Variants in NCAPG observed in about 807,000 individuals in gnomAD.
NCAPG encodes non-SMC condensin I complex subunit G.
In NCAPG, 69 loss-of-function variants were observed where a neutral mutation model predicts 113.1. That is an observed-to-expected ratio of 0.61 (90% confidence interval 0.50 to 0.75). The LOEUF (loss-of-function observed/expected upper bound fraction) is 0.75. Ranked by LOEUF, NCAPG falls within the 30% of genes least tolerant of loss-of-function variation. NCAPG has a pLI of 0.00. For missense variants in NCAPG, 1,058 were observed against 1,177.0 expected (o/e 0.90, Z 1.48); for synonymous variants, 370 against 415.8 (o/e 0.89, Z 1.34).
In NCAPG at chr4:17,844,398, C is replaced by A. The variant is rs1229137052; in HGVS notation, c.*973C>A. 1 of 152,268 alleles carries A rather than the reference C, an allele frequency of 6.6e-6. No individual in the cohort carries two copies. The highest frequency in any genetic ancestry group is 1.5e-5 in the Non-Finnish European group (1 of 67,826). The allele number at this position is 152,268 out of a possible 1,614,324, so 9.4% of individuals were successfully genotyped here. On this transcript the variant is annotated 3_prime_UTR_variant, in exon 21 of 21. Coordinates refer to ENST00000251496, the MANE Select transcript of NCAPG (RefSeq NM_022346.5). ...TTTTAATAATTGTGCTTTTTTTAGG[C>A]TTATCATCTACTAGAGGCCATTTAC...
chr4:17,836,218 G>A (rs1467687901), intron 14 of NCAPG, among the ~76,000 whole-genome samples: 1 of 152,130 alleles, frequency 6.6e-6, no homozygotes, highest in Non-Finnish European at 1.5e-5. Flanking sequence ...GACTAGTGAT[G>A]TTGAGTATCT....
rs1721999775 is a variant in NCAPG, at chr4:17,834,429, T to G, written c.2015T>G (p.Ile672Arg). The G allele has an allele frequency of 6.2e-7, 1 of 1,611,814 alleles. No individual in the cohort carries two copies. The highest frequency in any genetic ancestry group is 1.3e-5 in the African/African-American group (1 of 74,822). The change falls in exon 14 of 21, where the codon ATA (isoleucine) becomes AGA (arginine). Residue 672 changes from isoleucine to arginine, a missense_variant. By Grantham distance (97) the Ile-to-Arg change is moderately conservative. Transcript: ENST00000251496. ...ACACTTCATTGTGAAGGTACAGAAATAAACAGTGATGATGAGCAAGAATCA... is the reference window on the plus strand; with the variant it reads ...ACACTTCATTGTGAAGGTACAGAAAGAAACAGTGATGATGAGCAAGAATCA... ...IKTLHCEGTE[I>R]NSDDEQESKE...
Position 17,815,289 on chromosome 4 carries a change from G to A in NCAPG, c.706G>A (p.Val236Ile), listed in dbSNP as rs1721156177. 1.9e-6 allele frequency: 3 copies of A among 1,599,544 alleles called. No individual in the cohort carries two copies. The highest frequency in any genetic ancestry group is 1.7e-6 in the Non-Finnish European group (2 of 1,176,504). The change falls in exon 5 of 21, where the codon GTT becomes ATT. Residue 236 changes from valine (V) to isoleucine (I), a missense_variant. By Grantham distance (29) the Val-to-Ile change is conservative. Coordinates refer to ENST00000251496, the MANE Select transcript of NCAPG (RefSeq NM_022346.5). ...KLAYQVLAEKVHMRAMSIAQR... is the reference protein window; with the variant it reads ...KLAYQVLAEKIHMRAMSIAQR... ...TATTTTTAAGGTTTTAGCTGAAAAGGTTCATATGAGAGCTATGTCCATTGC... is the reference window on the plus strand; with the variant it reads ...TATTTTTAAGGTTTTAGCTGAAAAGATTCATATGAGAGCTATGTCCATTGC...
At chr4:17,831,169 G>A (rs1020573227) in intron 13 of NCAPG, 53 bp downstream of exon 13, 47 of 1,579,396 alleles carry the variant, frequency 3.0e-5, no homozygotes, top group Middle Eastern at 3.6e-4. Context: ...ATACTCTGTG[G>A]CGATAATGCT....
At chr4:17,819,149 A>G (rs1413616161) in intron 7 of NCAPG, among the ~76,000 whole-genome samples, 1 of 152,124 alleles carries the variant, frequency 6.6e-6, no homozygotes, top group African/African-American at 2.4e-5. Context: ...AATGTAATAG[A>G]TACTGTTACA....
chr4:17,839,842 A>G lies in NCAPG; in HGVS notation c.2628+5A>G, dbSNP rs2286537. ...CTATTGAATGAGATTCTGGAGGTAAAGTAGTTTCTCATTACTCTAAATTAG... is the reference window on the plus strand; with the variant it reads ...CTATTGAATGAGATTCTGGAGGTAAGGTAGTTTCTCATTACTCTAAATTAG... On this transcript the variant is annotated splice_donor_5th_base_variant and intron_variant, in intron 17 of 20. Coordinates refer to ENST00000251496, the MANE Select transcript of NCAPG (RefSeq NM_022346.5). 0.19 allele frequency: 302,127 copies of G among 1,572,900 alleles called. 32,924 individuals carry two copies. The highest frequency in any genetic ancestry group is 0.49 in the East Asian group (21,323 of 43,642).
At chr4:17,815,026 C>T (rs772358444) in intron 4 of NCAPG, 28 bp downstream of exon 4, 26 of 1,611,272 alleles carry the variant, frequency 1.6e-5, no homozygotes, top group Middle Eastern at 3.3e-4. Flanking sequence ...CTTGTGTTGG[C>T]ATATTCTTAA....
intron 5 of NCAPG, among the ~76,000 whole-genome samples, 168 bp downstream of exon 5, chr4:17,815,526 G>GAT (rs151236987): frequency 0.08 from 12,101 of 151,786 alleles, 1,035 homozygotes; most frequent in African/African-American, 0.22. Context: ...TAAAGATTTT[G>GAT]ATATATATAT....
At chr4:17,812,770 A>T in intron 2 of NCAPG, 147 bp from the exon 3 acceptor site, 1 of 671,294 alleles carries the variant, frequency 1.5e-6, no homozygotes, top group Non-Finnish European at 2.5e-6. Context: ...TGCTATACAT[A>T]TGGACCAAGG....
At position 17,837,726 on chromosome 4, in the gene NCAPG, T is replaced by C; in HGVS notation, c.2391T>C (p.Asn797=). Residue 797 remains asparagine (N), a synonymous_variant, in exon 16 of 21, where the codon AAT becomes AAC. Transcript: ENST00000251496. The part of the protein sequence containing the change: ...SSPLAEIDIT[N]VAELLVDLTR... ...CTTTAGCTGAAATTGATATCACAAA[T>C]GTTGCTGAGTTACTTGTAGATTTGA... 1 of 1,614,062 alleles carries C rather than the reference T, an allele frequency of 6.2e-7. No individual in the cohort carries two copies.
In NCAPG at chr4:17,828,872, G is replaced by A. The variant is rs1004401298; in HGVS notation, c.1764+484G>A. ...ACATTACTTTCTGATAAGGAATATA[G>A]TGCAAACCATATGTAACTTTACATT... On this transcript the variant is annotated intron_variant, in intron 12 of 20. Coordinates refer to ENST00000251496, the MANE Select transcript of NCAPG (RefSeq NM_022346.5). Among the ~76,000 whole-genome samples, 11 of 151,260 alleles carry A rather than the reference G, an allele frequency of 7.3e-5. No individual in the cohort carries two copies. In the East Asian group the frequency reaches 1.6e-3, roughly 21 times the overall value.
chr4:17,818,514 C>G (rs1179976849), intron 7 of NCAPG, among the ~76,000 whole-genome samples: 1 of 152,106 alleles, frequency 6.6e-6, no homozygotes, highest in African/African-American at 2.4e-5. Context: ...TTCAATAAAA[C>G]TTTTATTGAC....
chr4:17,832,879 G>A (rs75637921), intron 13 of NCAPG, among the ~76,000 whole-genome samples: 31,394 of 151,992 alleles, frequency 0.21, 3,822 homozygotes, highest in African/African-American at 0.33. Context: ...GAATGACCCA[G>A]CTGTCCCGTG....
chr4:17,823,068 G>T lies in NCAPG; in HGVS notation c.1204G>T (p.Gly402Cys). The part of the protein sequence containing the change: ...IGNLMTKEFI[G>C]QQLILIIKSL... ...AAATTTGATGACAAAAGAATTCATA[G>T]GTCAACAATTGATTCTAATTATTAA... Residue 402 changes from glycine to cysteine, a missense_variant, in exon 8 of 21, where the codon GGT becomes TGT. Transcript: ENST00000251496. 6.2e-7 allele frequency: 1 copy of T among 1,609,216 alleles called. No homozygotes were observed. The highest frequency in any genetic ancestry group is 8.5e-7 in the Non-Finnish European group (1 of 1,177,840).
chr4:17,837,544 C>T (rs1385525900), intron 15 of NCAPG, 83 bp from the exon 16 acceptor site: 9 of 1,439,440 alleles, frequency 6.3e-6, no homozygotes, highest in Non-Finnish European at 8.4e-6. Flanking sequence ...GAGTGAATTT[C>T]CTACATAGTA....
intron 9 of NCAPG, 112 bp downstream of exon 9, chr4:17,823,882 CT>C (rs1721554753): frequency 8.3e-6 from 7 of 839,972 alleles, no homozygotes; most frequent in Non-Finnish European, 1.3e-5. Context: ...AGGTTCGTCT[CT>C]TTAATGAGTT....
At chr4:17,833,491 G>T (rs1424464395) in intron 13 of NCAPG, among the ~76,000 whole-genome samples, 5 of 111,616 alleles carry the variant, frequency 4.5e-5, no homozygotes, top group African/African-American at 1.8e-4. Flanking sequence ...TATTTTTGTT[G>T]TTGTTGTTGT....
chr4:17,844,656 TTG>T lies in NCAPG; in HGVS notation c.*1233_*1234del, dbSNP rs900856733. Reference sequence around the variant, plus strand: ...TGTGCTTCAGATTCCTTATGTGTTGTTGTTTTAAAGACAATTTGCAGGGGGTT... The same window carrying T: ...TGTGCTTCAGATTCCTTATGTGTTGTTTTTAAAGACAATTTGCAGGGGGTT... On this transcript the variant is annotated 3_prime_UTR_variant, in exon 21 of 21. Coordinates refer to ENST00000251496, the MANE Select transcript of NCAPG (RefSeq NM_022346.5). 6.8e-6 allele frequency: 1 copy of T among 147,948 alleles called. No homozygotes were observed. Among genetic ancestry groups the T allele is most frequent in the African/African-American group, 2.7e-5 (1 of 37,232 alleles). 9.2% of individuals were successfully genotyped at this position (147,948 alleles called of 1,614,324 possible). A position where few individuals can be genotyped will look rare whatever the true frequency, so the allele number is the denominator to read the frequency against.
At chr4:17,812,187 G>T (rs770471063) in intron 1 of NCAPG, 34 bp from the exon 2 acceptor site, 1 of 1,541,670 alleles carries the variant, frequency 6.5e-7, no homozygotes, top group South Asian at 1.1e-5. Flanking sequence ...ATTTTTATCG[G>T]TGCAGTTTAT....
Sources: allele counts gnomAD v4.1 joint callset (sites outside exome capture counted in the v4.1 genomes callset), GRCh38; gene constraint gnomAD v4.1.1; transcripts MANE v1.5; gene names NCBI Gene and HGNC (gene_info 2026-07-23, HGNC 2026-07-21).